The following AGPAT5 variants were observed in gnomAD, a reference collection of about 807,000 sequenced individuals.
The protein encoded by AGPAT5 is 1-acyl-sn-glycerol-3-phosphate acyltransferase epsilon.
Under a neutral mutation model 45.6 loss-of-function variants are expected in AGPAT5, and 46 were observed. The ratio of observed to expected loss-of-function variants is 1.01; its 90% CI spans 0.80 to 1.29. The LOEUF is 1.29. Among genes scored for constraint, AGPAT5 ranks in the 50% most tolerant of loss-of-function variants. The probability of loss-of-function intolerance (pLI) is 0.00; values close to 1 mark genes in which losing one functional copy is unlikely to be tolerated. For missense variants in AGPAT5, 673 were observed against 450.7 expected, an observed-to-expected ratio of 1.49 and a Z score of -4.47; for synonymous variants, 272 against 167.0, an observed-to-expected ratio of 1.63 and a Z score of -4.85.
chr8:6,732,164 C>A (rs559827733), intron 3 of AGPAT5, among the ~76,000 whole-genome samples: 1 of 93,848 alleles, frequency 1.1e-5, no homozygotes, highest in Non-Finnish European at 2.0e-5. Context: ...TTTTAAAATC[C>A]CTAAAGATCG....
rs1301162756 is a variant in AGPAT5, at chr8:6,757,792, A to AAT, written c.*405_*406insTA. The AAT allele has an allele frequency of 6.3e-6, 1 of 159,968 alleles. No individual in the cohort carries two copies. The highest frequency in any genetic ancestry group is 1.4e-5 in the Non-Finnish European group (1 of 72,858). 9.9% of individuals were successfully genotyped at this position (159,968 alleles called of 1,614,324 possible). ...TTGACAGCTCCAAGCTCTTATTACT[A>AAT]AAGTATTTAGTATCTTGCAGCTAGT... On this transcript the variant is annotated 3_prime_UTR_variant, in exon 8 of 8. Coordinates refer to ENST00000285518, the MANE Select transcript of AGPAT5 (RefSeq NM_018361.5).
intron 7 of AGPAT5, among the ~76,000 whole-genome samples, chr8:6,756,825 A>AGGAG (rs1409834659): frequency 1.3e-5 from 2 of 152,128 alleles, no homozygotes; most frequent in Admixed American, 6.6e-5. Context: ...TGTAAAAAGG[A>AGGAG]GGAGAAGCTG....
Position 6,708,666 on chromosome 8 carries a change from A to T in AGPAT5, c.-3A>T. ...CGGAGCTCGCTGCCGCCGAGCTGAGAAGATGCTGCTGTCCCTGGTGCTCCA... is the reference window on the plus strand; with the variant it reads ...CGGAGCTCGCTGCCGCCGAGCTGAGTAGATGCTGCTGTCCCTGGTGCTCCA... On this transcript the variant is annotated 5_prime_UTR_variant, in exon 1 of 8. Transcript: ENST00000285518. The T allele has an allele frequency of 6.4e-7, 1 of 1,566,104 alleles. No individual in the cohort carries two copies. Among genetic ancestry groups the T allele is most frequent in the Admixed American group, 1.8e-5 (1 of 56,184 alleles).
intron 4 of AGPAT5, among the ~76,000 whole-genome samples, chr8:6,734,840 G>A (rs1195400865): frequency 6.6e-6 from 1 of 152,062 alleles, no homozygotes; most frequent in Non-Finnish European, 1.5e-5. Context: ...TTTTCTCACA[G>A]CTTCAGGTTT....
At position 6,730,815 on chromosome 8, in the gene AGPAT5, T is replaced by TA; in HGVS notation, c.395dup (p.Tyr132Ter). 6.2e-7 allele frequency: 1 copy of TA among 1,612,052 alleles called. No individual in the cohort carries two copies. The highest frequency in any genetic ancestry group is 8.5e-7 in the Non-Finnish European group (1 of 1,178,456). ...AAAATGGCTGCCATTGTATGGGTGTTACTTTGCTCAGGTAACTTGTTTCCA... is the reference window on the plus strand; with the variant it reads ...AAAATGGCTGCCATTGTATGGGTGTTAACTTTGCTCAGGTAACTTGTTTCCA... Reference protein sequence around the residue: ...GLKWLPLYGCYFAQHGGIYVK... With the variant: ...GLKWLPLYGC The change falls in exon 3 of 8, where the codon TAC becomes TAAC. Residue 132 changes from tyrosine (Y) to a stop codon, truncating the protein, a stop_gained and frameshift_variant. Transcript: ENST00000285518. LOFTEE classifies it high-confidence loss of function.
intron 4 of AGPAT5, among the ~76,000 whole-genome samples, chr8:6,734,595 T>G (rs1477515347): frequency 6.6e-6 from 1 of 152,254 alleles, no homozygotes; most frequent in Middle Eastern, 3.2e-3. Flanking sequence ...GGGCCATATC[T>G]GAGTCTGCAA....
chr8:6,735,029 G>C (rs527950245), intron 4 of AGPAT5, among the ~76,000 whole-genome samples: 3 of 152,128 alleles, frequency 2.0e-5, no homozygotes, highest in Non-Finnish European at 2.9e-5. Context: ...TTTGGTGGTA[G>C]AAGGAGAGGG....
intron 5 of AGPAT5, among the ~76,000 whole-genome samples, chr8:6,746,520 G>A (rs575652522): frequency 4.3e-4 from 65 of 152,198 alleles, no homozygotes; most frequent in Non-Finnish European, 7.8e-4. Context: ...ATGAGCTCCA[G>A]TAGCAAAGAA....
chr8:6,752,444 A>G (rs1303968873), intron 6 of AGPAT5, among the ~76,000 whole-genome samples: 3 of 152,056 alleles, frequency 2.0e-5, no homozygotes, highest in African/African-American at 7.2e-5. Flanking sequence ...TGTACATGTC[A>G]GTATATATAC....
In AGPAT5 at chr8:6,757,146, T is replaced by C; in HGVS notation, c.870-17T>C. The C allele has an allele frequency of 6.3e-7, 1 of 1,597,594 alleles. No homozygotes were observed. The highest frequency in any genetic ancestry group is 8.6e-7 in the Non-Finnish European group (1 of 1,168,842). ...CTGAAGTGACTAAAATCTAAACTTT[T>C]TCCATTCTGGCCATAGGATGCTTAT... On this transcript the variant is annotated splice_polypyrimidine_tract_variant and intron_variant, in intron 7 of 7. Coordinates refer to ENST00000285518, the MANE Select transcript of AGPAT5 (RefSeq NM_018361.5).
chr8:6,732,163 C>T (rs542433548), intron 3 of AGPAT5, among the ~76,000 whole-genome samples: 50 of 99,076 alleles, frequency 5.0e-4, no homozygotes, highest in Admixed American at 3.3e-4. Flanking sequence ...TTTTTAAAAT[C>T]CCTAAAGATC....
chr8:6,708,711 C>G lies in AGPAT5; in HGVS notation c.43C>G (p.Leu15Val). 1.2e-6 allele frequency: 2 copies of G among 1,605,972 alleles called. No homozygotes were observed. Among genetic ancestry groups the G allele is most frequent in the East Asian group, 2.2e-5 (1 of 44,848 alleles). ...GCTCCACACGTACTCCATGCGCTAC[C>G]TGCTGCCCAGCGTCGTGCTCCTGGG... ...LVLHTYSMRYLLPSVVLLGTA... is the reference protein window; with the variant it reads ...LVLHTYSMRYVLPSVVLLGTA... The change falls in exon 1 of 8, where the codon CTG becomes GTG. Residue 15 changes from leucine to valine, a missense_variant. Coordinates refer to ENST00000285518, the MANE Select transcript of AGPAT5 (RefSeq NM_018361.5).
chr8:6,709,095 T>G (rs1586991513), intron 1 of AGPAT5: 1 of 648,540 alleles, frequency 1.5e-6, no homozygotes, highest in Non-Finnish European at 2.7e-6. Flanking sequence ...TGCGTCGTCC[T>G]GAGGCTACGA....
chr8:6,714,130 G>A (rs562275528), intron 1 of AGPAT5, among the ~76,000 whole-genome samples: 104 of 152,226 alleles, frequency 6.8e-4, no homozygotes, highest in Non-Finnish European at 1.2e-3. Context: ...GCCCAGCGTC[G>A]TCTCTGATAC....
Position 6,723,548 on chromosome 8 carries a change from C to T in AGPAT5, c.220-1322C>T, listed in dbSNP as rs117971073. 1.9e-3 allele frequency among the ~76,000 whole-genome samples: 286 copies of T among 150,500 alleles called. 3 individuals are homozygous for T. Among genetic ancestry groups the T allele is most frequent in the Middle Eastern group, 6.9e-3 (2 of 288 alleles). On this transcript the variant is annotated intron_variant, in intron 1 of 7. Transcript: ENST00000285518. The stretch of plus-strand genomic sequence containing the variant: ...TGCAAAACTTTTAAATCAGTGCATA[C>T]TCAATGGTCTTGATGCAATTCTGGC...
At chr8:6,754,044 G>C (rs1261519914) in intron 6 of AGPAT5, among the ~76,000 whole-genome samples, 1 of 152,126 alleles carries the variant, frequency 6.6e-6, no homozygotes, top group African/African-American at 2.4e-5. Flanking sequence ...TCAATTTGAG[G>C]CCAAAGGTCT....
chr8:6,732,044 CTCTCTGAATACAG>C (rs1190847951), intron 3 of AGPAT5, among the ~76,000 whole-genome samples: 7 of 152,186 alleles, frequency 4.6e-5, no homozygotes, highest in African/African-American at 1.4e-4. Context: ...CTAAGTCCCT[CTCTCTGAATACAG>C]TCACAGTGGG....
intron 1 of AGPAT5, among the ~76,000 whole-genome samples, chr8:6,714,921 G>A (rs1800270903): frequency 6.6e-6 from 1 of 152,200 alleles, no homozygotes; most frequent in South Asian, 2.1e-4. Context: ...AGTGGAATCA[G>A]AAGTTAACTT....
At chr8:6,708,978 C>A in intron 1 of AGPAT5, 91 bp downstream of exon 1, 1 of 1,265,488 alleles carries the variant, frequency 7.9e-7, no homozygotes, top group East Asian at 2.5e-5. Context: ...CGAGGGTCAC[C>A]CGGCCGGCCC....
Sources: gnomAD v4.1 joint callset for allele counts (sites outside exome capture counted in the v4.1 genomes callset) on GRCh38, gnomAD v4.1.1 for gene constraint, MANE v1.5 for transcripts, NCBI Gene and HGNC (gene_info 2026-07-23, HGNC 2026-07-21) for gene names.